The following FRMD6 variants were observed in gnomAD, a reference collection of about 807,000 sequenced individuals.
The protein encoded by FRMD6 is FERM domain containing 6.
In FRMD6, 37 loss-of-function variants were observed where a neutral mutation model predicts 73.2. The observed-to-expected ratio is 0.51, with a 90% CI of 0.39 to 0.66. The LOEUF (loss-of-function observed/expected upper bound fraction) is 0.66, where lower values mean the gene tolerates loss of function less well. FRMD6 is among the 30% of genes least tolerant of loss of function. The pLI is 0.00. For synonymous variants in FRMD6, 273 were observed against 282.2 expected (o/e 0.97, Z 0.33); for missense variants, 714 against 780.5 (o/e 0.91, Z 1.02).
chr14:51,412,742 C>T, the FRMD6 span, among the ~76,000 whole-genome samples: 1 of 151,832 alleles, frequency 6.6e-6, no homozygotes, highest in Non-Finnish European at 1.5e-5. Context: ...GTCCCAGCTA[C>T]TCAGGAGGCT....
the FRMD6 span, among the ~76,000 whole-genome samples, chr14:51,439,769 A>G: frequency 1.3e-5 from 2 of 152,230 alleles, no homozygotes; most frequent in African/African-American, 4.8e-5. Flanking sequence ...GCTAAGTAGA[A>G]GTCAATTAGG....
At chr14:51,685,877 C>T (rs376021144) in intron 1 of FRMD6, among the ~76,000 whole-genome samples, 120 of 152,248 alleles carry the variant, frequency 7.9e-4, no homozygotes, top group African/African-American at 2.7e-3. Context: ...GTGTGTAACA[C>T]GAGCTGTATA....
chr14:51,491,194 G>A (rs1390616954), intron 1 of FRMD6, among the ~76,000 whole-genome samples: 1 of 152,190 alleles, frequency 6.6e-6, no homozygotes, highest in East Asian at 1.9e-4. Context: ...TTCCTTGCAT[G>A]TTAGCATGGG....
At chr14:51,604,213 A>G (rs76889194) in intron 2 of FRMD6, among the ~76,000 whole-genome samples, 2,751 of 152,282 alleles carry the variant, frequency 0.018, 87 homozygotes, top group African/African-American at 0.063. Flanking sequence ...AATTTTTCCA[A>G]CAGTTCACAG....
chr14:51,715,620 A>C (rs1897196424), intron 10 of FRMD6, 121 bp downstream of exon 10: 1 of 722,860 alleles, frequency 1.4e-6, no homozygotes, highest in Non-Finnish European at 2.2e-6. Flanking sequence ...CTCCAGATTG[A>C]GAGCAGCATT....
intron 2 of FRMD6, among the ~76,000 whole-genome samples, chr14:51,690,491 T>G (rs539155653): frequency 4.3e-4 from 66 of 152,316 alleles, no homozygotes; most frequent in Admixed American, 2.2e-3. Flanking sequence ...GTTCAAGCGA[T>G]TCTCCTGCCT....
At chr14:51,465,456 T>C in the FRMD6 span, among the ~76,000 whole-genome samples, 1 of 152,186 alleles carries the variant, frequency 6.6e-6, no homozygotes, top group Non-Finnish European at 1.5e-5. Context: ...CCCCGCCATC[T>C]CTAGGTAACC....
the FRMD6 span, among the ~76,000 whole-genome samples, chr14:51,413,409 G>T: frequency 2.0e-5 from 3 of 152,136 alleles, no homozygotes; most frequent in Non-Finnish European, 4.4e-5. Flanking sequence ...AACATGCAGC[G>T]TTTGGTTTTC....
intron 1 of FRMD6, among the ~76,000 whole-genome samples, chr14:51,653,822 A>G (rs1892614084): frequency 6.6e-6 from 1 of 152,226 alleles, no homozygotes; most frequent in Non-Finnish European, 1.5e-5. Context: ...GTATGTTTGT[A>G]AACATTTTGG....
chr14:51,504,486 G>A, intron 1 of FRMD6, among the ~76,000 whole-genome samples: 1 of 152,222 alleles, frequency 6.6e-6, no homozygotes, highest in East Asian at 1.9e-4. Flanking sequence ...GCTGGCTGGA[G>A]ATGTGAGCAA....
the FRMD6 span, among the ~76,000 whole-genome samples, chr14:51,443,391 C>T: frequency 6.6e-6 from 1 of 152,210 alleles, no homozygotes; most frequent in African/African-American, 2.4e-5. Flanking sequence ...GGATATGACT[C>T]AGCTGTGATC....
chr14:51,588,196 A>G (rs1197173706), intron 2 of FRMD6, among the ~76,000 whole-genome samples: 2 of 151,352 alleles, frequency 1.3e-5, no homozygotes, highest in African/African-American at 4.9e-5. Context: ...CCCCTCCCAA[A>G]CCTGCAAATG....
chr14:51,701,751 G>A (rs975363074), intron 4 of FRMD6, among the ~76,000 whole-genome samples: 24 of 151,436 alleles, frequency 1.6e-4, no homozygotes, highest in African/African-American at 5.6e-4. Context: ...TTGGAATAAT[G>A]CTTTTAAATG....
At chr14:51,603,718 T>C (rs140364284) in intron 2 of FRMD6, among the ~76,000 whole-genome samples, 442 of 152,260 alleles carry the variant, frequency 2.9e-3, no homozygotes, top group African/African-American at 9.7e-3. Context: ...TAACCTGGAC[T>C]GAAGTGCTTG....
chr14:51,573,425 G>C (rs988733294), intron 2 of FRMD6, among the ~76,000 whole-genome samples: 2 of 152,176 alleles, frequency 1.3e-5, no homozygotes, highest in Non-Finnish European at 2.9e-5. Context: ...GGAAAGAAGG[G>C]TGAAAAGGGA....
chr14:51,561,484 G>T (rs1410468152), intron 1 of FRMD6, among the ~76,000 whole-genome samples: 5 of 152,224 alleles, frequency 3.3e-5, no homozygotes, highest in Non-Finnish European at 7.3e-5. Flanking sequence ...AGCCGGGGAA[G>T]TATCTTCTCT....
chr14:51,538,693 C>G (rs1421255572), intron 1 of FRMD6, among the ~76,000 whole-genome samples: 1 of 152,158 alleles, frequency 6.6e-6, no homozygotes, highest in Non-Finnish European at 1.5e-5. Flanking sequence ...TGCCAAAAAT[C>G]AACTAGCCAC....
chr14:51,666,238 C>G (rs1415816922), intron 1 of FRMD6, among the ~76,000 whole-genome samples: 1 of 152,188 alleles, frequency 6.6e-6, no homozygotes, highest in Non-Finnish European at 1.5e-5. Flanking sequence ...TGCCATTTCC[C>G]TAGTTCTGTC....
chr14:51,712,299 G>A (rs1318896301), intron 8 of FRMD6, among the ~76,000 whole-genome samples, 184 bp from the exon 9 acceptor site: 3 of 152,178 alleles, frequency 2.0e-5, no homozygotes, highest in Non-Finnish European at 4.4e-5. Flanking sequence ...AGTCACACAG[G>A]AACCAAAAGC....
Sources: gnomAD v4.1 joint callset for allele counts (sites outside exome capture counted in the v4.1 genomes callset) on GRCh38, gnomAD v4.1.1 for gene constraint, MANE v1.5 for transcripts, NCBI Gene and HGNC (gene_info 2026-07-23, HGNC 2026-07-21) for gene names.